MYO1H: variants seen among roughly 807,000 people sequenced by gnomAD.
MYO1H encodes the protein myosin IH.
MYO1H carries 118 observed loss-of-function variants against 149.3 expected under a neutral mutation model. The ratio of observed to expected loss-of-function variants is 0.79; its 90% CI spans 0.68 to 0.92. The LOEUF is 0.92. Ranked by LOEUF, MYO1H falls within the 40% of genes least tolerant of loss-of-function variation. The pLI, the probability that MYO1H is intolerant of heterozygous loss-of-function variation, is 0.00. For synonymous variants in MYO1H, 447 were observed against 465.2 expected, an observed-to-expected ratio of 0.96 and a Z score of 0.50; for missense variants, 1,212 against 1,280.7, an observed-to-expected ratio of 0.95 and a Z score of 0.82.
rs531325568 is a variant in MYO1H at position 109,429,445 on chromosome 12, C to T, written c.1949+1859C>T. 2.6e-5 allele frequency among the ~76,000 whole-genome samples: 4 copies of T among 152,136 alleles called. No individual in the cohort carries two copies. In the East Asian group the frequency reaches 7.7e-4, roughly 29 times the overall value. ...AAATACAATAAAAATAACAATACAACAATAATAATACAAATTAAAAAGCAA... is the reference window on the plus strand; with the variant it reads ...AAATACAATAAAAATAACAATACAATAATAATAATACAAATTAAAAAGCAA... On this transcript the variant is annotated intron_variant, in intron 19 of 31. Transcript: ENST00000310903.
At chr12:109,349,487 A>ACC (rs1274262705) in intron 1 of MYO1H, among the ~76,000 whole-genome samples, 26 of 101,672 alleles carry the variant, frequency 2.6e-4, no homozygotes, top group African/African-American at 9.4e-4. Flanking sequence ...ACATAGTGTG[A>ACC]CCCCCCCACC....
At chr12:109,353,393 CAAAAAAAAAAAA>C (rs55927192) in intron 1 of MYO1H, among the ~76,000 whole-genome samples, 1 of 79,298 alleles carries the variant, frequency 1.3e-5, no homozygotes, top group African/African-American at 4.7e-5. Context: ...GACTCCGTCT[CAAAAAAAAAAAA>C]AAAAAAAAAA....
upstream of MYO1H, among the ~76,000 whole-genome samples, chr12:109,343,341 C>A (rs1039721959): frequency 6.6e-6 from 1 of 152,044 alleles, no homozygotes; most frequent in Non-Finnish European, 1.5e-5. Context: ...AAGGGATAAT[C>A]AACAAAACGA....
At chr12:109,316,324 C>T in the MYO1H span, among the ~76,000 whole-genome samples, 3 of 152,324 alleles carry the variant, frequency 2.0e-5, no homozygotes, top group South Asian at 6.2e-4. Flanking sequence ...GCTTAGAGAA[C>T]TTTCTTTCAG....
chr12:109,343,584 C>T (rs1288949031), upstream of MYO1H, among the ~76,000 whole-genome samples: 1 of 152,146 alleles, frequency 6.6e-6, no homozygotes, highest in East Asian at 1.9e-4. Context: ...AACCCCCAAC[C>T]CATATGCCAC....
At chr12:109,385,301 T>TTC (rs1190541140) in intron 1 of MYO1H, among the ~76,000 whole-genome samples, 1 of 148,250 alleles carries the variant, frequency 6.7e-6, no homozygotes, top group Non-Finnish European at 1.5e-5. Flanking sequence ...TTTCTTTTCT[T>TTC]TTTTTTTTTT....
At chr12:109,344,086 A>G (rs1024350712), upstream of MYO1H, among the ~76,000 whole-genome samples, 8 of 152,130 alleles carry the variant, frequency 5.3e-5, no homozygotes, top group African/African-American at 1.4e-4. Flanking sequence ...GGTTGCCCCA[A>G]TATTTAAATT....
intron 5 of MYO1H, among the ~76,000 whole-genome samples, chr12:109,400,072 G>C (rs1023889761): frequency 1.3e-5 from 2 of 152,156 alleles, no homozygotes; most frequent in African/African-American, 4.8e-5. Flanking sequence ...TTTGTGCCTG[G>C]CTTCTTTCAA....
upstream of MYO1H, among the ~76,000 whole-genome samples, chr12:109,344,583 C>T (rs1566015198): frequency 6.6e-6 from 1 of 152,154 alleles, no homozygotes; most frequent in Non-Finnish European, 1.5e-5. Context: ...ATATTCAATG[C>T]CATCCCTATC....
At chr12:109,409,681 G>T in intron 11 of MYO1H, 57 bp downstream of exon 11, 6 of 1,372,576 alleles carry the variant, frequency 4.4e-6, no homozygotes, top group South Asian at 2.3e-5. Context: ...GATTTCAGTC[G>T]AGATTTAAAT....
rs1320222210 is a variant in MYO1H, at chr12:109,443,106, A to ATATGTGTGTATATATGTGTACG, written c.2689-395_2689-394insATGTGTACGTATGTGTGTATAT. On this transcript the variant is annotated intron_variant, in intron 27 of 31. Transcript: ENST00000310903. ...CGTATGTGTGTATATATGTGTACGT[A>ATATGTGTGTATATATGTGTACG]TATGTGTGTATATGTGTACGTATAT... Among the ~76,000 whole-genome samples, 309 of 76,820 alleles carry ATATGTGTGTATATATGTGTACG rather than the reference A, an allele frequency of 4.0e-3. 87 individuals carry two copies. The highest frequency in any genetic ancestry group is 6.0e-3 in the East Asian group (20 of 3,348). The allele number at this position is 76,820 out of a possible 152,430, so 50.4% of individuals were successfully genotyped here. A position where few individuals can be genotyped will look rare whatever the true frequency, so the allele number is the denominator to read the frequency against.
At chr12:109,438,152 T>C (rs1871950141) in intron 22 of MYO1H, among the ~76,000 whole-genome samples, 1 of 151,668 alleles carries the variant, frequency 6.6e-6, no homozygotes, top group African/African-American at 2.4e-5. Context: ...CCTAGTTTGC[T>C]TGTGTACCCC....
chr12:109,327,134 C>CT, the MYO1H span, among the ~76,000 whole-genome samples: 2,822 of 94,650 alleles, frequency 0.03, 96 homozygotes, highest in Middle Eastern at 0.046. Context: ...TTTTCTTTTT[C>CT]TTTTTTTTTT....
intron 19 of MYO1H, among the ~76,000 whole-genome samples, chr12:109,430,805 A>G (rs1871578385): frequency 6.6e-6 from 1 of 152,140 alleles, no homozygotes; most frequent in Non-Finnish European, 1.5e-5. Flanking sequence ...ACATGCCTAT[A>G]ATCCCAGCTA....
chr12:109,447,248 T>TG, exon 32 of MYO1H: 1 of 1,418,618 alleles, frequency 7.0e-7, no homozygotes, highest in Non-Finnish European at 9.8e-7. Flanking sequence ...ACAGGGGAAG[T>TG]GGGGATTGGA....
chr12:109,410,134 T>G, intron 12 of MYO1H, 66 bp downstream of exon 12: 1 of 814,594 alleles, frequency 1.2e-6, no homozygotes, highest in East Asian at 3.2e-5. Context: ...TTTTTTTAAT[T>G]TAATTAATTT....
intron 1 of MYO1H, among the ~76,000 whole-genome samples, chr12:109,368,060 C>G (rs1868903438): frequency 6.6e-6 from 1 of 152,164 alleles, no homozygotes. Context: ...AGTAAGCTCT[C>G]CAAATTGTCT....
the MYO1H span, among the ~76,000 whole-genome samples, chr12:109,326,839 G>A: frequency 6.6e-6 from 1 of 151,998 alleles, no homozygotes; most frequent in African/African-American, 2.4e-5. Context: ...CTTTTGATGG[G>A]GGAATGGGCA....
the MYO1H span, among the ~76,000 whole-genome samples, chr12:109,327,757 AG>A: frequency 1.1e-3 from 158 of 143,008 alleles, no homozygotes; most frequent in South Asian, 3.6e-3. Context: ...AAAAAAAAAA[AG>A]AAAGAAAAAA....
Sources: gnomAD v4.1 joint callset for allele counts (sites outside exome capture counted in the v4.1 genomes callset) on GRCh38, gnomAD v4.1.1 for gene constraint, MANE v1.5 for transcripts, NCBI Gene and HGNC (gene_info 2026-07-23, HGNC 2026-07-21) for gene names.